COL25A1: variants seen among roughly 807,000 people sequenced by gnomAD.
COL25A1 encodes the protein collagen alpha-1(XXV) chain.
A neutral mutation model predicts 128.4 loss-of-function variants in COL25A1; 103 were observed. The observed-to-expected ratio is 0.80, with a 90% CI of 0.68 to 0.94. The LOEUF (loss-of-function observed/expected upper bound fraction) is 0.94, where lower values mean the gene tolerates loss of function less well. Ranked by LOEUF, COL25A1 falls within the 40% of genes least tolerant of loss-of-function variation. The pLI, the probability that COL25A1 is intolerant of heterozygous loss-of-function variation, is 0.00. For synonymous variants in COL25A1, 279 were observed against 277.2 expected, an observed-to-expected ratio of 1.01 and a Z score of -0.06; for missense variants, 745 against 840.0, an observed-to-expected ratio of 0.89 and a Z score of 1.40.
chr4:109,047,308 A>T (rs1760516719), intron 5 of COL25A1, among the ~76,000 whole-genome samples: 1 of 152,220 alleles, frequency 6.6e-6, no homozygotes, highest in South Asian at 2.1e-4. Context: ...CAGGAAAAGG[A>T]TTTAAAATCA....
At chr4:108,919,621 C>T (rs1325071846) in intron 12 of COL25A1, among the ~76,000 whole-genome samples, 1 of 151,976 alleles carries the variant, frequency 6.6e-6, no homozygotes, top group Non-Finnish European at 1.5e-5. Context: ...CCCCTCCCGG[C>T]TTGAGGGGTG....
chr4:109,100,744 T>G (rs548965760), intron 3 of COL25A1, among the ~76,000 whole-genome samples: 28 of 152,304 alleles, frequency 1.8e-4, no homozygotes, highest in African/African-American at 6.7e-4. Flanking sequence ...TGAATTTCCA[T>G]ACAAATAACC....
At chr4:108,853,198 A>C (rs2125775409) in intron 24 of COL25A1, among the ~76,000 whole-genome samples, 1 of 152,300 alleles carries the variant, frequency 6.6e-6, no homozygotes, top group Admixed American at 6.5e-5. Flanking sequence ...GAAAAAAATA[A>C]TGCAGTAAAG....
chr4:109,119,645 A>G (rs1434526560), intron 3 of COL25A1, among the ~76,000 whole-genome samples: 1 of 152,056 alleles, frequency 6.6e-6, no homozygotes, highest in African/African-American at 2.4e-5. Context: ...ATGAATAATT[A>G]ACACTCTTCC....
intron 3 of COL25A1, among the ~76,000 whole-genome samples, chr4:109,175,287 AC>A (rs751045039): frequency 5.9e-5 from 9 of 152,158 alleles, no homozygotes; most frequent in Admixed American, 3.3e-4. Context: ...TTTGTGCCAA[AC>A]CCAAACCTGC....
intron 3 of COL25A1, among the ~76,000 whole-genome samples, chr4:109,236,271 T>C (rs1779474459): frequency 6.6e-6 from 1 of 152,128 alleles, no homozygotes; most frequent in Non-Finnish European, 1.5e-5. Context: ...TAAAACTTTA[T>C]GTTATACACA....
At chr4:109,240,216 T>A (rs376295296) in intron 3 of COL25A1, among the ~76,000 whole-genome samples, 4 of 152,218 alleles carry the variant, frequency 2.6e-5, no homozygotes, top group African/African-American at 9.6e-5. Context: ...TACCAAGTAT[T>A]ACGTACTGTG....
chr4:108,941,273 C>T (rs1748055096), intron 9 of COL25A1, 93 bp downstream of exon 9: 4 of 963,040 alleles, frequency 4.2e-6, no homozygotes, highest in South Asian at 1.7e-5. Flanking sequence ...CCACCCACAC[C>T]CCACCCATAA....
chr4:109,065,516 A>T (rs1354889586), intron 3 of COL25A1, among the ~76,000 whole-genome samples: 1 of 148,310 alleles, frequency 6.7e-6, no homozygotes, highest in Non-Finnish European at 1.5e-5. Flanking sequence ...GCTTGCAAAT[A>T]CCTTTTTGGT....
chr4:109,160,661 G>T (rs1364886619), intron 3 of COL25A1, among the ~76,000 whole-genome samples: 1 of 152,052 alleles, frequency 6.6e-6, no homozygotes, highest in East Asian at 1.9e-4. Context: ...GCCTATTGTT[G>T]GTCCTACAAA....
intron 26 of COL25A1, among the ~76,000 whole-genome samples, chr4:108,849,734 T>G (rs764091073): frequency 6.6e-6 from 1 of 152,158 alleles, no homozygotes; most frequent in Non-Finnish European, 1.5e-5. Flanking sequence ...GAGGCCTGCC[T>G]CACAGACAGA....
chr4:108,837,170 A>C (rs1359740828), intron 31 of COL25A1, among the ~76,000 whole-genome samples: 1 of 152,238 alleles, frequency 6.6e-6, no homozygotes, highest in African/African-American at 2.4e-5. Context: ...CATATGGTGG[A>C]TGTATGTAAG....
At chr4:108,863,586 G>A (rs1737529198) in intron 20 of COL25A1, among the ~76,000 whole-genome samples, 199 bp from the exon 21 acceptor site, 1 of 152,186 alleles carries the variant, frequency 6.6e-6, no homozygotes. Context: ...AATTTTAGGT[G>A]TCAACTTGAC....
intron 3 of COL25A1, among the ~76,000 whole-genome samples, chr4:109,285,175 A>T (rs1723758088): frequency 6.6e-6 from 1 of 152,192 alleles, no homozygotes; most frequent in Non-Finnish European, 1.5e-5. Flanking sequence ...AAAGCCATCG[A>T]TAGGAAATAT....
chr4:109,298,520 C>T lies in COL25A1; in HGVS notation c.367+2063G>A, dbSNP rs1177354205. ...AGATGTCTAGGTGACAACTCTTAGT[C>T]ACTGCAAACCAGGGCTAGAGCCAAA... On this transcript the variant is annotated intron_variant, in intron 3 of 37. Transcript: ENST00000399132. Among the ~76,000 whole-genome samples the T allele has an allele frequency of 2.0e-5, 3 of 152,174 alleles. No homozygotes were observed. In the East Asian group the frequency reaches 5.8e-4, roughly 29 times the overall value.
chr4:108,984,706 G>A (rs1303676456), intron 6 of COL25A1, among the ~76,000 whole-genome samples: 2 of 152,174 alleles, frequency 1.3e-5, no homozygotes, highest in African/African-American at 4.8e-5. Flanking sequence ...AGCACCGCGC[G>A]CAGCCCCTGT....
At chr4:109,120,494 TAAG>T (rs377213486) in intron 3 of COL25A1, among the ~76,000 whole-genome samples, 2 of 152,118 alleles carry the variant, frequency 1.3e-5, no homozygotes, top group East Asian at 3.9e-4. Flanking sequence ...CAACAATAAG[TAAG>T]AAGAATTTGA....
At chr4:108,954,451 C>T (rs994875300) in intron 8 of COL25A1, among the ~76,000 whole-genome samples, 1 of 151,914 alleles carries the variant, frequency 6.6e-6, no homozygotes, top group African/African-American at 2.4e-5. Flanking sequence ...AATAACTACA[C>T]TGATAATATT....
At chr4:109,274,579 T>G (rs1028710309) in intron 3 of COL25A1, among the ~76,000 whole-genome samples, 3 of 152,150 alleles carry the variant, frequency 2.0e-5, no homozygotes, top group African/African-American at 7.2e-5. Context: ...GATAAACACT[T>G]TAAAATGCTA....
Sources: allele counts gnomAD v4.1 joint callset (sites outside exome capture counted in the v4.1 genomes callset), GRCh38; gene constraint gnomAD v4.1.1; transcripts MANE v1.5; gene names NCBI Gene and HGNC (gene_info 2026-07-23, HGNC 2026-07-21).